SLC5A8: variants seen among roughly 807,000 people sequenced by gnomAD.
SLC5A8 encodes the protein sodium-coupled monocarboxylate transporter 1.
In SLC5A8, 55 loss-of-function variants were observed where a neutral mutation model predicts 71.9. The ratio of observed to expected loss-of-function variants is 0.77; its 90% CI spans 0.62 to 0.96. The LOEUF (loss-of-function observed/expected upper bound fraction) is 0.96. Ranked by LOEUF, SLC5A8 falls within the 40% of genes least tolerant of loss-of-function variation. SLC5A8 has a pLI of 0.00. For missense variants in SLC5A8, 701 were observed against 745.3 expected (o/e 0.94, Z 0.69); for synonymous variants, 307 against 276.1 (o/e 1.11, Z -1.11).
intron 1 of SLC5A8, among the ~76,000 whole-genome samples, chr12:101,208,382 G>T (rs1360992382): frequency 6.6e-6 from 1 of 152,150 alleles, no homozygotes; most frequent in Non-Finnish European, 1.5e-5. Context: ...CCACCTGCCA[G>T]AATCTCAGGA....
rs759809660 is a variant in SLC5A8, at chr12:101,202,159, T to G, written c.469+5A>C. 3 of 1,611,498 alleles carry G rather than the reference T, an allele frequency of 1.9e-6. No individual in the cohort carries two copies. The Admixed American group carries it at 5.0e-5, about 27-fold the overall frequency. On this transcript the variant is annotated splice_donor_5th_base_variant and intron_variant, in intron 3 of 14. Transcript: ENST00000536262. ...AGTTACCTAACTGGCAACTCTAAAA[T>G]GTACCTTGATTCAAAGCCAGGGCAG... is the stretch of plus-strand genomic sequence containing the variant.
At chr12:101,178,277 T>C (rs1006984897) in intron 10 of SLC5A8, among the ~76,000 whole-genome samples, 1 of 152,194 alleles carries the variant, frequency 6.6e-6, no homozygotes, top group Non-Finnish European at 1.5e-5. Context: ...AGCAAGATTT[T>C]TTTTGTAGAT....
At chr12:101,178,392 T>C (rs2051900778) in intron 10 of SLC5A8, among the ~76,000 whole-genome samples, 1 of 152,180 alleles carries the variant, frequency 6.6e-6, no homozygotes, top group Non-Finnish European at 1.5e-5. Flanking sequence ...ATCGACCTGA[T>C]CTTGAAACTT....
chr12:101,201,572 C>A (rs74946495), intron 3 of SLC5A8, among the ~76,000 whole-genome samples: 1 of 152,194 alleles, frequency 6.6e-6, no homozygotes, highest in Admixed American at 6.5e-5. Context: ...CTATCCCAGC[C>A]TCACTGCATT....
chr12:101,205,328 A>G (rs1869633261), intron 1 of SLC5A8, among the ~76,000 whole-genome samples: 1 of 152,094 alleles, frequency 6.6e-6, no homozygotes, highest in Non-Finnish European at 1.5e-5. Flanking sequence ...TAAATCACCC[A>G]AGTCAGTTTC....
At chr12:101,183,352 G>C (rs1868457833) in intron 8 of SLC5A8, among the ~76,000 whole-genome samples, 1 of 152,064 alleles carries the variant, frequency 6.6e-6, no homozygotes, top group African/African-American at 2.4e-5. Flanking sequence ...GCTCTACTAT[G>C]CTATTTTTAA....
Position 101,169,859 on chromosome 12 carries a change from G to A in SLC5A8, c.1234-1677C>T, listed in dbSNP as rs536169035. On this transcript the variant is annotated intron_variant, in intron 10 of 14. Transcript: ENST00000536262. ...ATCTTCCCCACCTTCATGAATTACA[G>A]GCTATTCAGTAAAACAGACACTAAA... Among the ~76,000 whole-genome samples the A allele has an allele frequency of 4.6e-5, 7 of 152,260 alleles. No individual in the cohort carries two copies. In the East Asian group the frequency reaches 1.3e-3, roughly 29 times the overall value.
chr12:101,190,706 T>C (rs970332895), intron 5 of SLC5A8, 98 bp from the exon 6 acceptor site: 2 of 941,110 alleles, frequency 2.1e-6, no homozygotes, highest in Admixed American at 6.9e-5. Context: ...CACATTTATA[T>C]ACACAACACA....
chr12:101,158,325 C>G lies in SLC5A8; in HGVS notation c.1634G>C (p.Gly545Ala). Residue 545 changes from glycine to alanine, a missense_variant, in exon 14 of 15, where the codon GGA becomes GCA. Gly to Ala is a moderately conservative substitution (Grantham distance 60). Transcript: ENST00000536262. ...TCTGGGGTCTAAGTTCTGTTTTCTT[C>G]CTCCTGGAAAAAAAAATGTACATGA... ...VGILVSLSTGGRKQNLDPRYI... is the reference protein window; with the variant it reads ...VGILVSLSTGARKQNLDPRYI... 1 of 1,577,480 alleles carries G rather than the reference C, an allele frequency of 6.3e-7. No individual in the cohort carries two copies.
chr12:101,181,710 C>T (rs1868373590), intron 9 of SLC5A8, among the ~76,000 whole-genome samples: 2 of 152,186 alleles, frequency 1.3e-5, no homozygotes, highest in Non-Finnish European at 2.9e-5. Flanking sequence ...TTCTACTAAA[C>T]CACACAGCTT....
At chr12:101,161,102 G>A (rs566616025) in intron 13 of SLC5A8, among the ~76,000 whole-genome samples, 3 of 152,110 alleles carry the variant, frequency 2.0e-5, no homozygotes, top group Non-Finnish European at 4.4e-5. Flanking sequence ...AAAAAATTCA[G>A]ACATCCTCTC....
chr12:101,174,658 G>C (rs921379776), intron 10 of SLC5A8, among the ~76,000 whole-genome samples: 2 of 152,114 alleles, frequency 1.3e-5, no homozygotes, highest in African/African-American at 4.8e-5. Context: ...ATGACATGTA[G>C]TATCAGCCCT....
rs941468617 is a variant in SLC5A8, at chr12:101,168,022, A to C, written c.1320+74T>G. 6.6e-6 allele frequency: 9 copies of C among 1,363,228 alleles called. No individual in the cohort carries two copies. In the Admixed American group the frequency reaches 2.0e-4, roughly 30 times the overall value. The allele number at this position is 1,363,228 out of a possible 1,614,324, so 84.4% of individuals were successfully genotyped here. ...CTAATGACAAATCTCAAAGGAACCA[A>C]CTGAGAAAAAAGTGTAGAGCTGCTA... On this transcript the variant is annotated intron_variant, in intron 11 of 14. Coordinates refer to ENST00000536262, the MANE Select transcript of SLC5A8 (RefSeq NM_145913.5).
At chr12:101,159,304 A>G (rs1439855026) in intron 13 of SLC5A8, among the ~76,000 whole-genome samples, 1 of 152,226 alleles carries the variant, frequency 6.6e-6, no homozygotes, top group Non-Finnish European at 1.5e-5. Context: ...GTTATTGAGT[A>G]CCTACTGTGT....
Position 101,161,242 on chromosome 12 carries a change from T to C in SLC5A8, c.1630+732A>G, listed in dbSNP as rs1052942365. On this transcript the variant is annotated intron_variant, in intron 13 of 14. Coordinates refer to ENST00000536262, the MANE Select transcript of SLC5A8 (RefSeq NM_145913.5). ...AACCTCTTCTTTTGTCTACTCTTTC[T>C]TGAGAATATGCTATAGGATGTGTTT... Among the ~76,000 whole-genome samples, 15 of 152,360 alleles carry C rather than the reference T, an allele frequency of 9.8e-5. No individual in the cohort carries two copies. In the East Asian group the frequency reaches 2.9e-3, roughly 29 times the overall value.
intron 10 of SLC5A8, among the ~76,000 whole-genome samples, chr12:101,168,635 C>G (rs2051796342): frequency 6.6e-6 from 1 of 152,052 alleles, no homozygotes; most frequent in Admixed American, 6.6e-5. Flanking sequence ...ATTTGATTCC[C>G]TAAGGATGAA....
At chr12:101,186,695 C>A (rs1396596115) in intron 7 of SLC5A8, among the ~76,000 whole-genome samples, 1 of 152,122 alleles carries the variant, frequency 6.6e-6, no homozygotes, top group Non-Finnish European at 1.5e-5. Flanking sequence ...AATCATAGAA[C>A]CTACATCAGA....
chr12:101,204,998 T>C (rs79872177), intron 1 of SLC5A8, among the ~76,000 whole-genome samples: 9,278 of 152,284 alleles, frequency 0.061, 900 homozygotes, highest in African/African-American at 0.21. Context: ...TCTTGGTATC[T>C]ACTCCATACA....
chr12:101,187,786 A>C (rs1284088029), intron 6 of SLC5A8, among the ~76,000 whole-genome samples: 1 of 152,114 alleles, frequency 6.6e-6, no homozygotes, highest in East Asian at 1.9e-4. Flanking sequence ...GGGCATTGTT[A>C]GCTTTATAAA....
Sources: gnomAD v4.1 joint callset for allele counts (sites outside exome capture counted in the v4.1 genomes callset) on GRCh38, gnomAD v4.1.1 for gene constraint, MANE v1.5 for transcripts, NCBI Gene and HGNC (gene_info 2026-07-23, HGNC 2026-07-21) for gene names.